Variants in GPATCH2 observed in about 807,000 individuals in gnomAD.
The protein encoded by GPATCH2 is G patch domain-containing protein 2.
GPATCH2 carries 51 observed loss-of-function variants against 58.0 expected under a neutral mutation model. The observed-to-expected ratio is 0.88, with a 90% confidence interval of 0.70 to 1.11. The LOEUF is 1.11. Ranked by LOEUF, GPATCH2 falls within the 50% of genes most tolerant of loss-of-function variation. GPATCH2 has a pLI of 0.00. For synonymous variants in GPATCH2, 222 were observed against 218.5 expected (o/e 1.02, Z -0.14); for missense variants, 625 against 652.2 (o/e 0.96, Z 0.45).
intron 7 of GPATCH2, among the ~76,000 whole-genome samples, chr1:217,496,770 T>C (rs1446304811): frequency 6.6e-6 from 1 of 152,188 alleles, no homozygotes; most frequent in Non-Finnish European, 1.5e-5. Flanking sequence ...AACCTAACCC[T>C]GTATTTCCCC....
chr1:217,547,652 A>T (rs1665131275), intron 5 of GPATCH2, among the ~76,000 whole-genome samples: 1 of 152,238 alleles, frequency 6.6e-6, no homozygotes, highest in Non-Finnish European at 1.5e-5. Context: ...GGATTTAAGA[A>T]TGTGGCACAC....
chr1:217,615,570 C>T (rs1489158547), intron 2 of GPATCH2, among the ~76,000 whole-genome samples: 1 of 152,004 alleles, frequency 6.6e-6, no homozygotes, highest in Admixed American at 6.6e-5. Context: ...TGTGTGCCCC[C>T]CATTAACACA....
intron 5 of GPATCH2, among the ~76,000 whole-genome samples, chr1:217,563,572 T>C (rs1666036728): frequency 6.6e-6 from 1 of 152,200 alleles, no homozygotes; most frequent in African/African-American, 2.4e-5. Flanking sequence ...TATTATTTGA[T>C]GCTGACATCC....
chr1:217,466,933 G>A (rs1028573080), intron 8 of GPATCH2, among the ~76,000 whole-genome samples: 4 of 152,184 alleles, frequency 2.6e-5, no homozygotes, highest in African/African-American at 7.2e-5. Context: ...AGCACTTTGC[G>A]AGGCTGAGGC....
intron 5 of GPATCH2, among the ~76,000 whole-genome samples, chr1:217,584,344 A>AAAAAAAAAAAAAAAATATATATATATAT (rs1463910405): frequency 2.0e-5 from 2 of 101,844 alleles, no homozygotes; most frequent in East Asian, 6.1e-4. Context: ...AAAAAAAAAA[A>AAAAAAAAAAAAAAAATATATATATATAT]ATATATATAT....
intron 8 of GPATCH2, chr1:217,491,479 T>A (rs1035373587): frequency 1.6e-5 from 4 of 245,946 alleles, no homozygotes; most frequent in Non-Finnish European, 3.0e-5. Context: ...AATTAATTAT[T>A]TTTTACAAGT....
At chr1:217,501,901 GCTT>G (rs746886828) in intron 6 of GPATCH2, among the ~76,000 whole-genome samples, 18 of 152,062 alleles carry the variant, frequency 1.2e-4, no homozygotes, top group East Asian at 3.9e-4. Flanking sequence ...TCAGTGTGTA[GCTT>G]CTTTTCATTC....
chr1:217,505,937 C>T (rs1662533358), intron 6 of GPATCH2, among the ~76,000 whole-genome samples: 1 of 152,188 alleles, frequency 6.6e-6, no homozygotes, highest in South Asian at 2.1e-4. Context: ...ATTCTCCTGC[C>T]TCAGCCTCCC....
intron 6 of GPATCH2, among the ~76,000 whole-genome samples, chr1:217,513,441 T>A (rs1420707224): frequency 6.6e-6 from 1 of 152,208 alleles, no homozygotes; most frequent in East Asian, 1.9e-4. Flanking sequence ...GTAGTGATTT[T>A]AAAAAATAGA....
rs527982390 is a variant in GPATCH2, at chr1:217,579,083, CTGAGG to C, written c.1098+31233_1098+31237del. ...ACCCTTGTTAAATATTTCCAATGAG[CTGAGG>C]TAATTTTACTTTGCAGTATGATTTT... On this transcript the variant is annotated intron_variant, in intron 5 of 9. Coordinates refer to ENST00000366935, the MANE Select transcript of GPATCH2 (RefSeq NM_018040.5). Among the ~76,000 whole-genome samples, 662 of 152,188 alleles carry C rather than the reference CTGAGG, an allele frequency of 4.3e-3. 4 individuals are homozygous for C. The highest frequency in any genetic ancestry group is 6.0e-3 in the Non-Finnish European group (411 of 68,008).
At chr1:217,530,556 G>A (rs1347418840) in intron 5 of GPATCH2, among the ~76,000 whole-genome samples, 2 of 152,118 alleles carry the variant, frequency 1.3e-5, no homozygotes, top group African/African-American at 4.8e-5. Flanking sequence ...GGAGCAAGGA[G>A]GGTGTGTACA....
chr1:217,480,645 T>C (rs1464859720), intron 8 of GPATCH2, among the ~76,000 whole-genome samples: 1 of 152,202 alleles, frequency 6.6e-6, no homozygotes, highest in Non-Finnish European at 1.5e-5. Context: ...GCTGGGTATG[T>C]ACCTAAAAGA....
intron 8 of GPATCH2, among the ~76,000 whole-genome samples, chr1:217,452,554 C>T (rs1278039151): frequency 6.6e-6 from 1 of 152,066 alleles, no homozygotes; most frequent in Admixed American, 6.5e-5. Flanking sequence ...AATAACTCTC[C>T]CAAGTCAATA....
intron 5 of GPATCH2, among the ~76,000 whole-genome samples, chr1:217,557,537 T>C (rs1414578804): frequency 6.6e-6 from 1 of 152,206 alleles, no homozygotes; most frequent in East Asian, 1.9e-4. Flanking sequence ...TGTTCTCCGA[T>C]ATTTGTTCAA....
intron 1 of GPATCH2, among the ~76,000 whole-genome samples, chr1:217,621,210 G>C (rs1468738563): frequency 6.6e-6 from 1 of 152,176 alleles, no homozygotes; most frequent in Non-Finnish European, 1.5e-5. Context: ...TTATCCAGTA[G>C]TCAGCAAGAA....
At chr1:217,531,959 A>T (rs749939326) in intron 5 of GPATCH2, among the ~76,000 whole-genome samples, 1 of 152,218 alleles carries the variant, frequency 6.6e-6, no homozygotes, top group Non-Finnish European at 1.5e-5. Flanking sequence ...ATTGTTTCAC[A>T]GTATTAACTA....
intron 8 of GPATCH2, among the ~76,000 whole-genome samples, chr1:217,472,814 C>T (rs1218104269): frequency 6.6e-6 from 1 of 152,140 alleles, no homozygotes; most frequent in Non-Finnish European, 1.5e-5. Flanking sequence ...AACCGTTCTC[C>T]ACGTTTTCTC....
At chr1:217,569,974 C>A (rs1004347295) in intron 5 of GPATCH2, among the ~76,000 whole-genome samples, 1 of 152,080 alleles carries the variant, frequency 6.6e-6, no homozygotes, top group African/African-American at 2.4e-5. Flanking sequence ...GTAGGGGTGA[C>A]AAAGCCTCTT....
At chr1:217,521,224 C>T (rs1663438387) in intron 5 of GPATCH2, among the ~76,000 whole-genome samples, 1 of 152,118 alleles carries the variant, frequency 6.6e-6, no homozygotes. Context: ...TCATTATTCT[C>T]AAATAATAGT....
Sources: gnomAD v4.1 joint callset for allele counts (sites outside exome capture counted in the v4.1 genomes callset) on GRCh38, gnomAD v4.1.1 for gene constraint, MANE v1.5 for transcripts, NCBI Gene and HGNC (gene_info 2026-07-23, HGNC 2026-07-21) for gene names.